Variants in FAF1 observed in about 807,000 individuals in gnomAD.
The protein encoded by FAF1 is Fas associated factor 1.
Under a neutral mutation model 92.5 loss-of-function variants are expected in FAF1, and 25 were observed. The observed-to-expected ratio is 0.27, with a 90% CI of 0.20 to 0.38. The LOEUF is 0.38. FAF1 is among the 10% of genes least tolerant of loss of function. The pLI, the probability that FAF1 is intolerant of heterozygous loss-of-function variation, is 1.00. For synonymous variants in FAF1, 234 were observed against 273.2 expected, an observed-to-expected ratio of 0.86 and a Z score of 1.42; for missense variants, 636 against 793.3, an observed-to-expected ratio of 0.80 and a Z score of 2.38.
In FAF1 at chr1:50,534,533, C is replaced by CA. The variant is rs111703977; in HGVS notation, c.1494+835dup. ...CAGTGATCGACCTACCTCAGCCTCC[C>CA]AAAGTGCTGGGATTACAGGTGTGAG... is the stretch of plus-strand genomic sequence containing the variant. On this transcript the variant is annotated intron_variant, in intron 15 of 18. Coordinates refer to ENST00000396153, the MANE Select transcript of FAF1 (RefSeq NM_007051.3). Among the ~76,000 whole-genome samples, 835 of 152,280 alleles carry CA rather than the reference C, an allele frequency of 5.5e-3. 10 individuals are homozygous for CA. The highest frequency in any genetic ancestry group is 0.019 in the African/African-American group (804 of 41,570).
chr1:50,489,396 T>C (rs902922843), intron 17 of FAF1, among the ~76,000 whole-genome samples: 3 of 152,224 alleles, frequency 2.0e-5, no homozygotes, highest in Non-Finnish European at 4.4e-5. Flanking sequence ...CTTCCTCTTT[T>C]TATAAGTGAA....
chr1:50,953,310 T>C (rs1046043629), intron 1 of FAF1, among the ~76,000 whole-genome samples: 1 of 152,034 alleles, frequency 6.6e-6, no homozygotes, highest in African/African-American at 2.4e-5. Context: ...TTCACATGTT[T>C]ATCTGCTGAC....
chr1:50,791,623 G>C (rs1322698564), intron 3 of FAF1, among the ~76,000 whole-genome samples: 1 of 152,144 alleles, frequency 6.6e-6, no homozygotes, highest in Non-Finnish European at 1.5e-5. Context: ...CCTTAGACAT[G>C]AGCAGCAGCT....
At chr1:50,959,658 C>T (rs139243470) in intron 1 of FAF1, 109 bp downstream of exon 1, 1 of 907,604 alleles carries the variant, frequency 1.1e-6, no homozygotes, top group Non-Finnish European at 1.7e-6. Flanking sequence ...CGTATAAAAG[C>T]CTAAATGACA....
At chr1:50,870,378 A>G (rs962498279) in intron 1 of FAF1, among the ~76,000 whole-genome samples, 5 of 152,174 alleles carry the variant, frequency 3.3e-5, no homozygotes, top group Admixed American at 6.5e-5. Flanking sequence ...AATCACTTGA[A>G]CGCGCGAGGC....
chr1:50,769,045 T>TA lies in FAF1; in HGVS notation c.367+18954dup, dbSNP rs141978084. The stretch of plus-strand genomic sequence containing the variant: ...TGACTGATAGACTACTAAGTAGACT[T>TA]AAAAAAAAAACAGGAGAGAAAGAGA... On this transcript the variant is annotated intron_variant, in intron 4 of 18. Coordinates refer to ENST00000396153, the MANE Select transcript of FAF1 (RefSeq NM_007051.3). Among the ~76,000 whole-genome samples, 441 of 144,628 alleles carry TA rather than the reference T, an allele frequency of 3.0e-3. 2 individuals are homozygous for TA. Among genetic ancestry groups the TA allele is most frequent in the African/African-American group, 6.7e-3 (265 of 39,534 alleles). The allele number at this position is 144,628 out of a possible 152,430, so 94.9% of individuals were successfully genotyped here. A position where few individuals can be genotyped will look rare whatever the true frequency, so the allele number is the denominator to read the frequency against.
chr1:50,782,116 G>A (rs1661199829), intron 4 of FAF1, among the ~76,000 whole-genome samples: 1 of 152,090 alleles, frequency 6.6e-6, no homozygotes, highest in African/African-American at 2.4e-5. Context: ...TAATACATAT[G>A]TTACTGGTTT....
intron 14 of FAF1, 121 bp downstream of exon 14, chr1:50,539,471 A>G: frequency 1.7e-6 from 1 of 604,910 alleles, no homozygotes; most frequent in Non-Finnish European, 2.6e-6. Flanking sequence ...ATTTTTCAGG[A>G]TATTCTATAT....
At chr1:50,737,877 T>C (rs1244417788) in intron 6 of FAF1, among the ~76,000 whole-genome samples, 1 of 151,470 alleles carries the variant, frequency 6.6e-6, no homozygotes, top group Non-Finnish European at 1.5e-5. Flanking sequence ...AATCACCAAG[T>C]TGTTGTATTT....
chr1:50,712,703 T>G (rs1220965588), intron 6 of FAF1, among the ~76,000 whole-genome samples: 2 of 152,024 alleles, frequency 1.3e-5, no homozygotes, highest in Non-Finnish European at 2.9e-5. Flanking sequence ...GCAAAGACAT[T>G]TTTGCTAAAA....
Position 50,812,098 on chromosome 1 carries a change from A to T in FAF1, c.115-10421T>A, listed in dbSNP as rs1643921637. On this transcript the variant is annotated intron_variant, in intron 2 of 18. Coordinates refer to ENST00000396153, the MANE Select transcript of FAF1 (RefSeq NM_007051.3). ...TTAAAGACTCAAATGTAAAACCTAA[A>T]ACCTCAAAGATAACCTAGGAGATAC... Among the ~76,000 whole-genome samples the T allele has an allele frequency of 2.0e-5, 3 of 152,178 alleles. No individual in the cohort carries two copies. The South Asian group carries it at 6.2e-4, about 32-fold the overall frequency.
intron 8 of FAF1, among the ~76,000 whole-genome samples, chr1:50,642,205 A>G (rs748175805): frequency 6.8e-4 from 92 of 134,580 alleles, no homozygotes; most frequent in Middle Eastern, 3.8e-3. Flanking sequence ...TTTGTCTCAG[A>G]AAAAAAAAAA....
intron 7 of FAF1, among the ~76,000 whole-genome samples, chr1:50,696,780 T>C (rs1657251944): frequency 6.6e-6 from 1 of 152,178 alleles, no homozygotes; most frequent in Non-Finnish European, 1.5e-5. Flanking sequence ...TCCTTCATTC[T>C]TTTCCATCAA....
At chr1:50,597,624 A>G (rs1651885660) in intron 8 of FAF1, among the ~76,000 whole-genome samples, 1 of 152,132 alleles carries the variant, frequency 6.6e-6, no homozygotes, top group Admixed American at 6.5e-5. Flanking sequence ...AAATTATCCA[A>G]AGAAAACCCT....
At chr1:50,490,476 AGGAAGGAAGG>A in intron 17 of FAF1, 102 bp downstream of exon 17, 1 of 623,904 alleles carries the variant, frequency 1.6e-6, no homozygotes. Flanking sequence ...GAAAGAAGGA[AGGAAGGAAGG>A]AAGGAAAGGA....
intron 18 of FAF1, among the ~76,000 whole-genome samples, chr1:50,458,966 C>CT (rs112741026): frequency 0.032 from 4,650 of 147,072 alleles, 228 homozygotes; most frequent in African/African-American, 0.11. Context: ...CTGCCCTGCC[C>CT]TTTTTTTTTT....
intron 8 of FAF1, among the ~76,000 whole-genome samples, chr1:50,651,861 T>G (rs1654879586): frequency 1.3e-5 from 2 of 152,048 alleles, no homozygotes; most frequent in African/African-American, 4.8e-5. Context: ...GTTTTATGAG[T>G]TTTTATACTC....
At chr1:50,476,345 C>T (rs1334580448) in intron 17 of FAF1, among the ~76,000 whole-genome samples, 1 of 152,310 alleles carries the variant, frequency 6.6e-6, no homozygotes. Context: ...AAGGAGACCA[C>T]AGTCCTAGTT....
rs373037636 is a variant in FAF1, at chr1:50,447,157, C to T, written c.1870-5634G>A. ...TTTTTTTTTTTTGAGATGGAGTCTC[C>T]CTCTGTTGTCCAGGCTGGAGTGCAG... On this transcript the variant is annotated intron_variant, in intron 18 of 18. Transcript: ENST00000396153. Among the ~76,000 whole-genome samples, 521 of 139,982 alleles carry T rather than the reference C, an allele frequency of 3.7e-3. 8 individuals carry two copies. Among genetic ancestry groups the T allele is most frequent in the African/African-American group, 0.014 (502 of 36,406 alleles). 91.8% of individuals were successfully genotyped at this position (139,982 alleles called of 152,430 possible).
Sources: gnomAD v4.1 joint callset for allele counts (sites outside exome capture counted in the v4.1 genomes callset) on GRCh38, gnomAD v4.1.1 for gene constraint, MANE v1.5 for transcripts, NCBI Gene and HGNC (gene_info 2026-07-23, HGNC 2026-07-21) for gene names.